Variants in NKAIN3 observed in about 807,000 individuals in gnomAD.
NKAIN3 encodes the protein sodium/potassium-transporting ATPase subunit beta-1-interacting protein 3.
In NKAIN3, 25 loss-of-function variants were observed where a neutral mutation model predicts 30.2. The ratio of observed to expected loss-of-function variants is 0.83; its 90% CI spans 0.60 to 1.16. The LOEUF is 1.16. Ranked by LOEUF, NKAIN3 falls within the 50% of genes most tolerant of loss-of-function variation. The pLI is 0.00. For synonymous variants in NKAIN3, 91 were observed against 89.6 expected, an observed-to-expected ratio of 1.02 and a Z score of -0.09; for missense variants, 225 against 254.1, an observed-to-expected ratio of 0.89 and a Z score of 0.78.
intron 1 of NKAIN3, among the ~76,000 whole-genome samples, chr8:62,560,345 G>T (rs1809527410): frequency 6.6e-6 from 1 of 151,734 alleles, no homozygotes; most frequent in African/African-American, 2.4e-5. Context: ...ATTTCCTCAG[G>T]TATTTTTTAG....
chr8:62,498,729 C>A (rs1341224609), intron 1 of NKAIN3, among the ~76,000 whole-genome samples: 1 of 147,772 alleles, frequency 6.8e-6, no homozygotes, highest in African/African-American at 2.5e-5. Context: ...TTTTTTTTTC[C>A]ATTCAGCCTG....
chr8:62,962,182 G>A (rs1823588008), intron 6 of NKAIN3, among the ~76,000 whole-genome samples: 1 of 152,084 alleles, frequency 6.6e-6, no homozygotes, highest in South Asian at 2.1e-4. Flanking sequence ...TAGACTGGGG[G>A]TAGAAATAGA....
intron 4 of NKAIN3, among the ~76,000 whole-genome samples, chr8:62,808,249 A>G (rs1355697042): frequency 6.6e-6 from 1 of 152,208 alleles, no homozygotes; most frequent in Non-Finnish European, 1.5e-5. Context: ...TTCCTGAAGA[A>G]CATGCTTTAG....
intron 4 of NKAIN3, among the ~76,000 whole-genome samples, chr8:62,884,060 C>T (rs1821070711): frequency 6.6e-6 from 1 of 152,106 alleles, no homozygotes. Flanking sequence ...ATAAATCTCA[C>T]TTAGTCATGA....
chr8:62,320,371 CATT>C (rs1239474152), intron 1 of NKAIN3, among the ~76,000 whole-genome samples: 1 of 152,088 alleles, frequency 6.6e-6, no homozygotes, highest in African/African-American at 2.4e-5. Context: ...TTGATCCTGT[CATT>C]ATGATGTTAG....
chr8:62,313,308 G>A (rs568040300), intron 1 of NKAIN3, among the ~76,000 whole-genome samples: 100 of 152,236 alleles, frequency 6.6e-4, no homozygotes, highest in African/African-American at 2.3e-3. Flanking sequence ...ATTGAATGAA[G>A]TGAGGTTATT....
intron 1 of NKAIN3, among the ~76,000 whole-genome samples, chr8:62,464,242 A>G (rs532137698): frequency 1.3e-5 from 2 of 152,266 alleles, no homozygotes; most frequent in South Asian, 2.1e-4. Context: ...AAAATCAATA[A>G]ATAGAAGTTG....
chr8:62,595,641 C>T lies in NKAIN3; in HGVS notation c.273+5847C>T, dbSNP rs181355150. 6.4e-4 allele frequency among the ~76,000 whole-genome samples: 98 copies of T among 152,050 alleles called. No individual in the cohort carries two copies. The East Asian group carries it at 0.018, about 29-fold the overall frequency. ...CGGGTGTGAGCTAAGTTGCAAGCCC[C>T]GTTTTTAAAGGTGGATGTGGTCACC... On this transcript the variant is annotated intron_variant, in intron 3 of 6. Coordinates refer to ENST00000623646, the MANE Select transcript of NKAIN3 (RefSeq NM_001304533.3).
intron 3 of NKAIN3, among the ~76,000 whole-genome samples, chr8:62,648,909 G>A (rs1812547369): frequency 6.6e-6 from 1 of 152,116 alleles, no homozygotes; most frequent in Non-Finnish European, 1.5e-5. Flanking sequence ...AGAGGGTGGT[G>A]TTGGGAGATG....
downstream of NKAIN3, among the ~76,000 whole-genome samples, chr8:62,986,640 C>A (rs4377959): frequency 0.78 from 118,913 of 152,136 alleles, 47,550 homozygotes; most frequent in East Asian, 0.98. Flanking sequence ...GCCTGTGTCA[C>A]AATAACTTAA....
At chr8:62,635,766 T>G (rs1389502943) in intron 3 of NKAIN3, among the ~76,000 whole-genome samples, 9 of 152,252 alleles carry the variant, frequency 5.9e-5, no homozygotes, top group Admixed American at 5.9e-4. Context: ...TCCAGATATG[T>G]GAGAAATAAA....
At chr8:62,425,914 A>G (rs1315806594) in intron 1 of NKAIN3, among the ~76,000 whole-genome samples, 1 of 151,944 alleles carries the variant, frequency 6.6e-6, no homozygotes, top group African/African-American at 2.4e-5. Flanking sequence ...TTTACAGTTA[A>G]ATAAACTATG....
In NKAIN3 at chr8:62,409,749, T is replaced by A. The variant is rs190220105; in HGVS notation, c.54+160622T>A. Among the ~76,000 whole-genome samples the A allele has an allele frequency of 1.1e-3, 173 of 152,190 alleles. 4 individuals are homozygous for A. In the East Asian group the frequency reaches 0.031, roughly 27 times the overall value. On this transcript the variant is annotated intron_variant, in intron 1 of 6. Transcript: ENST00000623646. ...AAAAATATCCAACTTCAGAGTTTTT[T>A]AAAATACTTACTTTTCTTTACTAAT...
At chr8:62,539,351 T>C (rs926328374) in intron 1 of NKAIN3, among the ~76,000 whole-genome samples, 1 of 152,226 alleles carries the variant, frequency 6.6e-6, no homozygotes, top group Non-Finnish European at 1.5e-5. Flanking sequence ...CTAAAGGCTT[T>C]ACCTGAAACA....
intron 4 of NKAIN3, among the ~76,000 whole-genome samples, chr8:62,751,006 G>A (rs114568090): frequency 0.017 from 2,536 of 152,136 alleles, 68 homozygotes; most frequent in African/African-American, 0.059. Context: ...ATCACAAAGC[G>A]CAAATCTTAT....
At chr8:62,311,230 A>C (rs1814417688) in intron 1 of NKAIN3, among the ~76,000 whole-genome samples, 1 of 150,604 alleles carries the variant, frequency 6.6e-6, no homozygotes, top group Admixed American at 6.6e-5. Flanking sequence ...GATCTAATTA[A>C]ATGTATATAT....
At chr8:62,551,122 G>C (rs967035606) in intron 1 of NKAIN3, among the ~76,000 whole-genome samples, 1 of 152,102 alleles carries the variant, frequency 6.6e-6, no homozygotes, top group Non-Finnish European at 1.5e-5. Flanking sequence ...ATAATAATAC[G>C]AAGAGAGAAA....
chr8:62,919,227 A>ATTCTTTTTTT (rs1822200916), intron 5 of NKAIN3, among the ~76,000 whole-genome samples: 1 of 47,186 alleles, frequency 2.1e-5, no homozygotes, highest in Non-Finnish European at 3.6e-5. Flanking sequence ...TACTTTCAAA[A>ATTCTTTTTTT]TTTTTTTTTT....
Position 62,919,227 on chromosome 8 carries a change from A to ATTTTTTTTTTTT in NKAIN3, c.532+738_532+749dup, listed in dbSNP as rs71255371. Reference sequence around the variant, plus strand: ...TCACTTTTTTTTATTTACTTTCAAAATTTTTTTTTTTTTTTTTTTTTTTTT... The same window carrying ATTTTTTTTTTTT: ...TCACTTTTTTTTATTTACTTTCAAAATTTTTTTTTTTTTTTTTTTTTTTTTTTTTTTTTTTTT... On this transcript the variant is annotated intron_variant, in intron 5 of 6. Transcript: ENST00000623646. Among the ~76,000 whole-genome samples the ATTTTTTTTTTTT allele has an allele frequency of 1.8e-3, 84 of 47,194 alleles. 6 individuals are homozygous for ATTTTTTTTTTTT. Among genetic ancestry groups the ATTTTTTTTTTTT allele is most frequent in the East Asian group, 3.1e-3 (5 of 1,608 alleles). The allele number at this position is 47,194 out of a possible 152,430, so 31.0% of individuals were successfully genotyped here.
Sources: allele counts gnomAD v4.1 joint callset (sites outside exome capture counted in the v4.1 genomes callset), GRCh38; gene constraint gnomAD v4.1.1; transcripts MANE v1.5; gene names NCBI Gene and HGNC (gene_info 2026-07-23, HGNC 2026-07-21).